The following FARP1 variants were observed in gnomAD, a reference collection of about 807,000 sequenced individuals.
FARP1 encodes FERM, ARHGEF and pleckstrin domain-containing protein 1.
FARP1 carries 52 observed loss-of-function variants against 128.8 expected under a neutral mutation model. The ratio of observed to expected loss-of-function variants is 0.40; its 90% CI spans 0.32 to 0.51. The LOEUF (loss-of-function observed/expected upper bound fraction) is 0.51, where lower values mean the gene tolerates loss of function less well. Among genes scored for constraint, FARP1 ranks in the 20% least tolerant of loss-of-function variants. The probability of loss-of-function intolerance (pLI) is 0.45; values close to 1 mark genes in which losing one functional copy is unlikely to be tolerated. For synonymous variants in FARP1, 580 were observed against 551.8 expected, an observed-to-expected ratio of 1.05 and a Z score of -0.72; for missense variants, 1,333 against 1,367.9, an observed-to-expected ratio of 0.97 and a Z score of 0.40.
At chr13:98,412,404 A>G (rs1327626120) in intron 16 of FARP1, among the ~76,000 whole-genome samples, 1 of 152,212 alleles carries the variant, frequency 6.6e-6, no homozygotes, top group Admixed American at 6.5e-5. Flanking sequence ...TAAGTCTTTT[A>G]TGAAGTACAT....
At chr13:98,183,122 A>T (rs535976664) in intron 1 of FARP1, among the ~76,000 whole-genome samples, 1 of 152,306 alleles carries the variant, frequency 6.6e-6, no homozygotes, top group African/African-American at 2.4e-5. Context: ...TTTGCCTTCT[A>T]AATCTAGCAT....
chr13:98,216,820 A>G (rs1018272694), intron 2 of FARP1, among the ~76,000 whole-genome samples: 1 of 152,188 alleles, frequency 6.6e-6, no homozygotes, highest in African/African-American at 2.4e-5. Flanking sequence ...CTGTCTTTTT[A>G]GGTATTTCCT....
chr13:98,317,057 A>ACACACACAGC, intron 2 of FARP1, among the ~76,000 whole-genome samples: 1 of 152,092 alleles, frequency 6.6e-6, no homozygotes. Context: ...CAGCACACAG[A>ACACACACAGC]CACACACAGC....
At chr13:98,390,160 GT>G in intron 10 of FARP1, 40 bp downstream of exon 10, 1 of 1,590,866 alleles carries the variant, frequency 6.3e-7, no homozygotes, top group Non-Finnish European at 8.6e-7. Context: ...CTGGGTGCAC[GT>G]TTTTCCTCCC....
chr13:98,343,346 T>C (rs966913292), intron 2 of FARP1, among the ~76,000 whole-genome samples: 3 of 152,144 alleles, frequency 2.0e-5, no homozygotes, highest in Non-Finnish European at 4.4e-5. Flanking sequence ...TTGTGTGAGC[T>C]ATGGAGTGTG....
At position 98,451,923 on chromosome 13, in the gene FARP1, C is replaced by T. The variant is rs1028552462; in HGVS notation, c.*3606C>T. On this transcript the variant is annotated 3_prime_UTR_variant, in exon 27 of 27. Transcript: ENST00000319562. ...AATAACTCTTAAGGTCCCCGGCAAC[C>T]GCTACAGCAATCGCACAGATCAGCA... 4.6e-5 allele frequency: 7 copies of T among 152,176 alleles called. No individual in the cohort carries two copies. The highest frequency in any genetic ancestry group is 1.3e-4 in the Admixed American group (2 of 15,270). 9.4% of individuals were successfully genotyped at this position (152,176 alleles called of 1,614,324 possible). A position where few individuals can be genotyped will look rare whatever the true frequency, so the allele number is the denominator to read the frequency against.
chr13:98,446,114 A>G lies in FARP1; in HGVS notation c.2813A>G (p.Asn938Ser), dbSNP rs1354611812. The change falls in exon 25 of 27, where the codon AAC becomes AGC. Residue 938 changes from asparagine (N) to serine (S), a missense_variant. Physicochemically the swap from Asn to Ser is conservative, Grantham distance 46. Coordinates refer to ENST00000319562, the MANE Select transcript of FARP1 (RefSeq NM_005766.4). ...SIAVENQLSGNLLRKFKNSNG... is the reference protein window; with the variant it reads ...SIAVENQLSGSLLRKFKNSNG... ...GCCTTTCAGAATCAGTTGTCTGGAA[A>G]CCTGCTGAGGAAATTCAAAAACAGC... 1 of 1,613,724 alleles carries G rather than the reference A, an allele frequency of 6.2e-7. No individual in the cohort carries two copies. Among genetic ancestry groups the G allele is most frequent in the South Asian group, 1.1e-5 (1 of 91,066 alleles).
At chr13:98,292,726 G>A (rs1885507417) in intron 2 of FARP1, among the ~76,000 whole-genome samples, 1 of 152,042 alleles carries the variant, frequency 6.6e-6, no homozygotes, top group East Asian at 1.9e-4. Context: ...GTCACTCATT[G>A]TTGTCCAGCC....
chr13:98,446,996 G>A, intron 26 of FARP1, 179 bp downstream of exon 26: 5 of 640,234 alleles, frequency 7.8e-6, no homozygotes, highest in Non-Finnish European at 1.3e-5. Context: ...GGCAGAAAGT[G>A]GGGTCCCAAC....
intron 26 of FARP1, 169 bp downstream of exon 26, chr13:98,446,986 G>A (rs1281428655): frequency 7.5e-6 from 5 of 667,386 alleles, no homozygotes; most frequent in Admixed American, 5.6e-5. Flanking sequence ...CTGTTCTCAT[G>A]GCAGAAAGTG....
At chr13:98,238,013 G>C (rs1882528190) in intron 2 of FARP1, among the ~76,000 whole-genome samples, 1 of 152,124 alleles carries the variant, frequency 6.6e-6, no homozygotes, top group African/African-American at 2.4e-5. Flanking sequence ...TTTGGGGAAA[G>C]TGAAAACTTA....
At position 98,381,373 on chromosome 13, in the gene FARP1, C is replaced by T. The variant is rs547200734; in HGVS notation, c.497-3357C>T. The stretch of plus-strand genomic sequence containing the variant: ...AAATTATCTCTGGTAAGCTGATGTT[C>T]ATCTTGTCCGTCTCTATACACACAA... On this transcript the variant is annotated intron_variant, in intron 6 of 26. Transcript: ENST00000319562. 2.4e-4 allele frequency among the ~76,000 whole-genome samples: 37 copies of T among 152,292 alleles called. No homozygotes were observed. In the East Asian group the frequency reaches 6.8e-3, roughly 28 times the overall value.
At chr13:98,377,331 T>A (rs1889632679) in intron 5 of FARP1, among the ~76,000 whole-genome samples, 1 of 151,030 alleles carries the variant, frequency 6.6e-6, no homozygotes. Flanking sequence ...AAAATGAATT[T>A]TTACAAATCT....
At chr13:98,309,839 T>G (rs1372402700) in intron 2 of FARP1, among the ~76,000 whole-genome samples, 1 of 152,178 alleles carries the variant, frequency 6.6e-6, no homozygotes. Context: ...TTGTTTTCCC[T>G]TGTGACAAAG....
Position 98,176,204 on chromosome 13 carries a change from T to C in FARP1, c.-24+32712T>C. 1.2e-6 allele frequency: 2 copies of C among 1,609,744 alleles called. No homozygotes were observed. Among genetic ancestry groups the C allele is most frequent in the Non-Finnish European group, 1.7e-6 (2 of 1,176,324 alleles). Reference sequence around the variant, plus strand: ...AAAAGAACAAAAAAATTTATTTAAATGTGAGAATTATGGGAAACCTAAGCC... The same window carrying C: ...AAAAGAACAAAAAAATTTATTTAAACGTGAGAATTATGGGAAACCTAAGCC... On this transcript the variant is annotated intron_variant, in intron 1 of 26. Transcript: ENST00000319562. The surrounding 1 kb of genome is among the most constrained non-coding windows in gnomAD (Gnocchi z 6.2).
chr13:98,279,731 C>A (rs575782870), intron 2 of FARP1, among the ~76,000 whole-genome samples: 2 of 152,264 alleles, frequency 1.3e-5, no homozygotes, highest in African/African-American at 4.8e-5. Flanking sequence ...ATTGCATATA[C>A]CCTGGTAGGT....
In FARP1 at chr13:98,454,178, G is replaced by C. The variant is rs1215964501; in HGVS notation, c.*5861G>C. ...AGAGAATTCAGTAAGTTTATGACCTGGTATGACAACAGAAGGCAATGCACC... is the reference window on the plus strand; with the variant it reads ...AGAGAATTCAGTAAGTTTATGACCTCGTATGACAACAGAAGGCAATGCACC... On this transcript the variant is annotated 3_prime_UTR_variant, in exon 27 of 27. Coordinates refer to ENST00000319562, the MANE Select transcript of FARP1 (RefSeq NM_005766.4). The C allele has an allele frequency of 6.6e-6, 1 of 152,198 alleles. No homozygotes were observed. Among genetic ancestry groups the C allele is most frequent in the Non-Finnish European group, 1.5e-5 (1 of 68,040 alleles). 9.4% of individuals were successfully genotyped at this position (152,198 alleles called of 1,614,324 possible). A position where few individuals can be genotyped will look rare whatever the true frequency, so the allele number is the denominator to read the frequency against.
At chr13:98,391,377 C>T (rs530193799) in intron 11 of FARP1, among the ~76,000 whole-genome samples, 8 of 152,258 alleles carry the variant, frequency 5.3e-5, no homozygotes, top group Non-Finnish European at 8.8e-5. Context: ...CTCTGGGACT[C>T]GATCAATCCT....
At chr13:98,446,571 G>A in intron 25 of FARP1, 95 bp from the exon 26 acceptor site, 1 of 1,331,730 alleles carries the variant, frequency 7.5e-7, no homozygotes, top group Non-Finnish European at 1.1e-6. Context: ...GGAGCTGCCT[G>A]GGCTCCCAAG....
Sources: gnomAD v4.1 joint callset for allele counts (sites outside exome capture counted in the v4.1 genomes callset) on GRCh38, gnomAD v4.1.1 for gene constraint, Gnocchi (gnomAD v3.1) non-coding constraint, MANE v1.5 for transcripts, NCBI Gene and HGNC (gene_info 2026-07-23, HGNC 2026-07-21) for gene names.